MARCHF4: variants seen among roughly 807,000 people sequenced by gnomAD.
MARCHF4 encodes membrane associated ring-CH-type finger 4, also known as E3 ubiquitin-protein ligase MARCHF4.
A neutral mutation model predicts 43.9 loss-of-function variants in MARCHF4; 14 were observed. The ratio of observed to expected loss-of-function variants is 0.32; its 90% CI spans 0.21 to 0.50. The LOEUF (loss-of-function observed/expected upper bound fraction) is 0.50. Among genes scored for constraint, MARCHF4 ranks in the 20% least tolerant of loss-of-function variants. The pLI is 0.98. For synonymous variants in MARCHF4, 226 were observed against 213.3 expected (o/e 1.06, Z -0.52); for missense variants, 468 against 536.7 (o/e 0.87, Z 1.27).
At chr2:216,271,318 A>G (rs1288391471) in intron 3 of MARCHF4, among the ~76,000 whole-genome samples, 4 of 151,916 alleles carry the variant, frequency 2.6e-5, no homozygotes, top group African/African-American at 9.7e-5. Context: ...TGCCTGAAAT[A>G]CTCTTTCCCC....
chr2:216,298,027 T>C (rs945815264), intron 1 of MARCHF4, among the ~76,000 whole-genome samples: 18 of 152,182 alleles, frequency 1.2e-4, no homozygotes, highest in African/African-American at 3.9e-4. Flanking sequence ...GATGACTAGA[T>C]AGTTAAACAA....
Position 216,283,720 on chromosome 2 carries a change from G to A in MARCHF4, c.526C>T (p.Leu176=). 2 of 1,603,436 alleles carry A rather than the reference G, an allele frequency of 1.2e-6. No individual in the cohort carries two copies. Among genetic ancestry groups the A allele is most frequent in the East Asian group, 4.5e-5 (2 of 44,594 alleles). The change falls in exon 2 of 4, where the codon CTG becomes TTG. Residue 176 remains leucine, a synonymous_variant. Coordinates refer to ENST00000273067, the MANE Select transcript of MARCHF4 (RefSeq NM_020814.3). The part of the protein sequence containing the change: ...CFQGPEQGEL[L]SPCRCDGSVK... Reference sequence around the variant, plus strand: ...GAGCCATCACAGCGGCATGGGCTCAGCAGCTCCCCCTGCAGGGAGAGAGCA... The same window carrying A: ...GAGCCATCACAGCGGCATGGGCTCAACAGCTCCCCCTGCAGGGAGAGAGCA...
intron 1 of MARCHF4, among the ~76,000 whole-genome samples, chr2:216,368,661 G>A (rs1200566503): frequency 6.6e-6 from 1 of 152,184 alleles, no homozygotes; most frequent in Non-Finnish European, 1.5e-5. Context: ...ACTTCCTCAA[G>A]GAGTATCCAG....
chr2:216,282,160 A>C (rs1691139699), intron 2 of MARCHF4, among the ~76,000 whole-genome samples: 1 of 152,106 alleles, frequency 6.6e-6, no homozygotes, highest in Admixed American at 6.6e-5. Flanking sequence ...TTGAAGATGG[A>C]ACCAGCAGCA....
intron 1 of MARCHF4, among the ~76,000 whole-genome samples, chr2:216,292,086 C>T (rs1691317739): frequency 6.6e-6 from 1 of 152,202 alleles, no homozygotes. Flanking sequence ...ATTGTGTTTT[C>T]CTCTGAGTCC....
chr2:216,276,483 C>T (rs1338723250), intron 3 of MARCHF4, among the ~76,000 whole-genome samples: 2 of 152,348 alleles, frequency 1.3e-5, no homozygotes, highest in East Asian at 1.9e-4. Flanking sequence ...TGTGGAGAGA[C>T]AGCAAGATGG....
chr2:216,360,742 T>G (rs769567425), intron 1 of MARCHF4, among the ~76,000 whole-genome samples: 1 of 152,212 alleles, frequency 6.6e-6, no homozygotes, highest in Non-Finnish European at 1.5e-5. Flanking sequence ...TGAACCCTCA[T>G]GTAATCTATG....
intron 1 of MARCHF4, among the ~76,000 whole-genome samples, chr2:216,359,393 C>G (rs942893043): frequency 2.0e-5 from 3 of 152,198 alleles, no homozygotes; most frequent in African/African-American, 7.2e-5. Context: ...CTATTAGCCA[C>G]TTCCTACTTA....
In MARCHF4 at chr2:216,277,684, C is replaced by A. The variant is rs563978288; in HGVS notation, c.853G>T (p.Val285Leu). Residue 285 changes from valine (V) to leucine (L), a missense_variant, in exon 3 of 4, where the codon GTG becomes TTG. Physicochemically the swap from Val to Leu is conservative, Grantham distance 32 (BLOSUM62 1). This residue lies in a region of MARCHF4 where 158 missense variants were observed against 251.1 expected (regional missense o/e 0.63). Coordinates refer to ENST00000273067, the MANE Select transcript of MARCHF4 (RefSeq NM_020814.3). ...ICYGMYGFMD[V>L]VCIGLIIHEG... ...CCCCCAGACCCACCTATGCACACCACGTCCATGAAGCCATACATCCCGTAG... is the reference window on the plus strand; with the variant it reads ...CCCCCAGACCCACCTATGCACACCAAGTCCATGAAGCCATACATCCCGTAG... 1.9e-6 allele frequency: 3 copies of A among 1,610,942 alleles called. No individual in the cohort carries two copies. The highest frequency in any genetic ancestry group is 2.2e-5 in the South Asian group (2 of 90,790).
At chr2:216,364,817 G>T (rs533109858) in intron 1 of MARCHF4, among the ~76,000 whole-genome samples, 3 of 152,266 alleles carry the variant, frequency 2.0e-5, no homozygotes, top group Admixed American at 2.0e-4. Context: ...ATCCCCATTT[G>T]GCTAGTACAG....
At chr2:216,291,456 G>A (rs892834955) in intron 1 of MARCHF4, among the ~76,000 whole-genome samples, 1 of 152,174 alleles carries the variant, frequency 6.6e-6, no homozygotes, top group Non-Finnish European at 1.5e-5. Context: ...AGGGCAATTA[G>A]ACTAGAGAAA....
In MARCHF4 at chr2:216,329,702, C is replaced by T. The variant is rs367731907; in HGVS notation, c.516+40043G>A. ...TATCAGTAATTACATTAAATGTAAA[C>T]GGACTACTTCAATGAAAATACGAAT... On this transcript the variant is annotated intron_variant, in intron 1 of 3. Coordinates refer to ENST00000273067, the MANE Select transcript of MARCHF4 (RefSeq NM_020814.3). Among the ~76,000 whole-genome samples, 36 of 150,462 alleles carry T rather than the reference C, an allele frequency of 2.4e-4. 1 individual carries two copies. The highest frequency in any genetic ancestry group is 8.3e-4 in the African/African-American group (34 of 40,938).
chr2:216,322,026 C>A (rs1691904111), intron 1 of MARCHF4, among the ~76,000 whole-genome samples: 1 of 152,148 alleles, frequency 6.6e-6, no homozygotes, highest in Non-Finnish European at 1.5e-5. Context: ...GTTGCTGTGA[C>A]TGAAATGGCT....
intron 1 of MARCHF4, among the ~76,000 whole-genome samples, chr2:216,288,799 A>G (rs953823294): frequency 2.0e-5 from 3 of 152,130 alleles, no homozygotes; most frequent in African/African-American, 7.2e-5. Context: ...TGCCTCCCCA[A>G]AATACGAAGG....
chr2:216,279,537 G>GC (rs1691092438), intron 2 of MARCHF4, among the ~76,000 whole-genome samples: 1 of 152,216 alleles, frequency 6.6e-6, no homozygotes, highest in South Asian at 2.1e-4. Flanking sequence ...CCCCCAGAAA[G>GC]CATTTCACTG....
At chr2:216,279,696 A>G (rs2105938912) in intron 2 of MARCHF4, among the ~76,000 whole-genome samples, 1 of 152,358 alleles carries the variant, frequency 6.6e-6, no homozygotes, top group East Asian at 1.9e-4. Context: ...TTGCTGGTCC[A>G]GACATAGGAC....
intron 3 of MARCHF4, among the ~76,000 whole-genome samples, chr2:216,271,848 T>C (rs1690943490): frequency 6.6e-6 from 1 of 152,008 alleles, no homozygotes; most frequent in African/African-American, 2.4e-5. Context: ...TGGAGTACAG[T>C]GGCACCATCA....
In MARCHF4 at chr2:216,372,255, C is replaced by T. The variant is rs935145223; in HGVS notation, c.-1995G>A. On this transcript the variant is annotated 5_prime_UTR_variant, in exon 1 of 4. Coordinates refer to ENST00000273067, the MANE Select transcript of MARCHF4 (RefSeq NM_020814.3). Reference sequence around the variant, plus strand: ...GGGCGGCGAGCTGACCGTCCGAGAACTGGAAACAAGGTTCTTGCAGCGAGG... The same window carrying T: ...GGGCGGCGAGCTGACCGTCCGAGAATTGGAAACAAGGTTCTTGCAGCGAGG... Among the ~76,000 whole-genome samples, 2 of 152,120 alleles carry T rather than the reference C, an allele frequency of 1.3e-5. No individual in the cohort carries two copies. The highest frequency in any genetic ancestry group is 2.4e-5 in the African/African-American group (1 of 41,424).
At chr2:216,271,774 C>T (rs768802615) in intron 3 of MARCHF4, among the ~76,000 whole-genome samples, 1 of 151,792 alleles carries the variant, frequency 6.6e-6, no homozygotes, top group Non-Finnish European at 1.5e-5. Context: ...GTGTATATAC[C>T]CAGGTTCCTC....
Sources: allele counts gnomAD v4.1 joint callset (sites outside exome capture counted in the v4.1 genomes callset), GRCh38; gene constraint gnomAD v4.1.1; regional missense constraint gnomAD v4.1.1; transcripts MANE v1.5; gene names NCBI Gene and HGNC (gene_info 2026-07-23, HGNC 2026-07-21).